Variants in PPP1R1C observed in about 807,000 individuals in gnomAD.
PPP1R1C encodes protein phosphatase 1 regulatory subunit 1C.
Under a neutral mutation model 17.4 loss-of-function variants are expected in PPP1R1C, and 15 were observed. The ratio of observed to expected loss-of-function variants is 0.86; its 90% CI spans 0.58 to 1.33. The LOEUF (loss-of-function observed/expected upper bound fraction) is 1.33, where lower values mean the gene tolerates loss of function less well. PPP1R1C is among the 40% of genes most tolerant of loss of function. The pLI, the probability that PPP1R1C is intolerant of heterozygous loss-of-function variation, is 0.00. For synonymous variants in PPP1R1C, 35 were observed against 43.1 expected, an observed-to-expected ratio of 0.81 and a Z score of 0.73; for missense variants, 143 against 130.0, an observed-to-expected ratio of 1.10 and a Z score of -0.48.
In PPP1R1C at chr2:182,049,142, G is replaced by A. The variant is rs185532945; in HGVS notation, c.143-12300G>A. Among the ~76,000 whole-genome samples, 29 of 152,148 alleles carry A rather than the reference G, an allele frequency of 1.9e-4. No individual in the cohort carries two copies. The East Asian group carries it at 4.3e-3, about 22-fold the overall frequency. On this transcript the variant is annotated intron_variant, in intron 2 of 4. Transcript: ENST00000682840. ...GAGGTCATGAGTTCGACACCAATCT[G>A]GCCAACATGGTGAAACCCCATCTCT... is the stretch of plus-strand genomic sequence containing the variant.
At chr2:182,089,425 T>C (rs1300527405) in intron 4 of PPP1R1C, among the ~76,000 whole-genome samples, 1 of 152,218 alleles carries the variant, frequency 6.6e-6, no homozygotes, top group African/African-American at 2.4e-5. Context: ...GTTCCAAGCA[T>C]GAGCATGCTT....
chr2:182,051,892 T>C (rs193203431), intron 2 of PPP1R1C, among the ~76,000 whole-genome samples: 62 of 152,140 alleles, frequency 4.1e-4, no homozygotes, highest in African/African-American at 1.4e-3. Flanking sequence ...TCCCAGCTAC[T>C]CAGGAGGCTG....
intron 4 of PPP1R1C, among the ~76,000 whole-genome samples, chr2:182,106,209 G>A (rs375901675): frequency 2.0e-5 from 3 of 152,152 alleles, no homozygotes; most frequent in Non-Finnish European, 2.9e-5. Context: ...CTCCACCCTC[G>A]GGCCTGTGCC....
chr2:182,096,016 A>G (rs1162056370), intron 4 of PPP1R1C, among the ~76,000 whole-genome samples: 2 of 151,768 alleles, frequency 1.3e-5, no homozygotes, highest in Admixed American at 6.6e-5. Context: ...AAAAGGTAGT[A>G]CCTGATACCC....
chr2:182,041,609 C>CAA (rs71405472), intron 2 of PPP1R1C, among the ~76,000 whole-genome samples: 2,678 of 57,688 alleles, frequency 0.046, 163 homozygotes, highest in African/African-American at 0.14. Context: ...GACTCTGTCT[C>CAA]AAAAAAAAAA....
At position 182,061,450 on chromosome 2, in the gene PPP1R1C, G is replaced by A; in HGVS notation, c.151G>A (p.Asp51Asn). Residue 51 changes from aspartate (D) to asparagine (N), a missense_variant, in exon 3 of 5, where the codon GAC becomes AAC. Asp to Asn is a conservative substitution (Grantham distance 23). Coordinates refer to ENST00000682840, the MANE Select transcript of PPP1R1C (RefSeq NM_001080545.3). ...ACCTACTTCTCTTACAGAAATAGAT[G>A]ACAAGAGGGGGCCCAACACACAAGG... ...LNEHNPPEID[D>N]KRGPNTQGEL... The A allele has an allele frequency of 1.4e-6, 2 of 1,470,958 alleles. No individual in the cohort carries two copies. Among genetic ancestry groups the A allele is most frequent in the South Asian group, 1.4e-5 (1 of 73,314 alleles). The allele number at this position is 1,470,958 out of a possible 1,614,324, so 91.1% of individuals were successfully genotyped here. A position where few individuals can be genotyped will look rare whatever the true frequency, so the allele number is the denominator to read the frequency against.
chr2:182,094,810 G>A (rs1688884926), intron 4 of PPP1R1C, among the ~76,000 whole-genome samples: 1 of 152,152 alleles, frequency 6.6e-6, no homozygotes. Flanking sequence ...GGAACAGTAG[G>A]CATAAATGGA....
At chr2:181,993,018 A>T (rs1685511224) in intron 2 of PPP1R1C, among the ~76,000 whole-genome samples, 1 of 152,170 alleles carries the variant, frequency 6.6e-6, no homozygotes. Flanking sequence ...TTTCTAAATG[A>T]GGCATACGTT....
chr2:182,076,604 A>AC (rs1297441610), intron 4 of PPP1R1C, among the ~76,000 whole-genome samples: 4 of 151,104 alleles, frequency 2.6e-5, no homozygotes, highest in Admixed American at 1.3e-4. Context: ...GTCAATCAGA[A>AC]CCCCCCCACC....
intron 4 of PPP1R1C, among the ~76,000 whole-genome samples, chr2:182,074,743 A>T (rs1044082086): frequency 6.6e-6 from 1 of 152,148 alleles, no homozygotes; most frequent in Non-Finnish European, 1.5e-5. Context: ...TTCCTTTCTC[A>T]ATAGGCTGTC....
chr2:182,025,174 AATTATTATT>A (rs533389640), intron 2 of PPP1R1C, among the ~76,000 whole-genome samples: 6 of 147,566 alleles, frequency 4.1e-5, no homozygotes, highest in Admixed American at 3.4e-4. Flanking sequence ...AAGTAAATAA[AATTATTATT>A]ATTATTATTA....
chr2:182,049,332 C>CAA (rs3064024), intron 2 of PPP1R1C, among the ~76,000 whole-genome samples: 18,205 of 77,642 alleles, frequency 0.23, 1,807 homozygotes, highest in Admixed American at 0.39. Context: ...GATTCCATCT[C>CAA]AAAAAAAAAA....
At chr2:182,040,368 C>T (rs929884960) in intron 2 of PPP1R1C, among the ~76,000 whole-genome samples, 1 of 152,280 alleles carries the variant, frequency 6.6e-6, no homozygotes. Context: ...AGGTGTATCT[C>T]ATTGTGGTTT....
At chr2:181,989,152 T>C (rs1685385598) in intron 2 of PPP1R1C, among the ~76,000 whole-genome samples, 1 of 152,154 alleles carries the variant, frequency 6.6e-6, no homozygotes, top group Non-Finnish European at 1.5e-5. Flanking sequence ...GTCCTAAAAC[T>C]TTCCTCCCTA....
chr2:181,958,821 A>G (rs1439837834), intron 1 of PPP1R1C, among the ~76,000 whole-genome samples: 17 of 152,114 alleles, frequency 1.1e-4, no homozygotes, highest in Admixed American at 1.1e-3. Context: ...ATTCTTTTTC[A>G]TTGCTGTGGA....
intron 1 of PPP1R1C, among the ~76,000 whole-genome samples, chr2:181,986,854 C>T (rs532660809): frequency 3.0e-4 from 45 of 152,288 alleles, no homozygotes; most frequent in Non-Finnish European, 5.6e-4. Context: ...GCAATGGCAT[C>T]TCTTAGAACT....
chr2:182,053,930 G>A (rs1687604301), intron 2 of PPP1R1C, among the ~76,000 whole-genome samples: 1 of 152,020 alleles, frequency 6.6e-6, no homozygotes, highest in Non-Finnish European at 1.5e-5. Flanking sequence ...ACAGGTGCCT[G>A]CCATCACGCC....
intron 2 of PPP1R1C, among the ~76,000 whole-genome samples, chr2:182,002,876 C>T (rs1685805901): frequency 6.6e-6 from 1 of 151,310 alleles, no homozygotes; most frequent in Non-Finnish European, 1.5e-5. Context: ...GTCATTCTCA[C>T]CTTCGTCTTC....
intron 4 of PPP1R1C, among the ~76,000 whole-genome samples, chr2:182,071,708 T>C (rs530827859): frequency 1.3e-4 from 20 of 152,340 alleles, no homozygotes; most frequent in Non-Finnish European, 2.1e-4. Flanking sequence ...GATTTATCTG[T>C]TCATTTATTT....
Sources: allele counts gnomAD v4.1 joint callset (sites outside exome capture counted in the v4.1 genomes callset), GRCh38; gene constraint gnomAD v4.1.1; transcripts MANE v1.5; gene names NCBI Gene and HGNC (gene_info 2026-07-23, HGNC 2026-07-21).